PLCB4: variants seen among roughly 807,000 people sequenced by gnomAD.
PLCB4 encodes the protein 1-phosphatidylinositol 4,5-bisphosphate phosphodiesterase beta-4.
PLCB4 carries 77 observed loss-of-function variants against 178.8 expected under a neutral mutation model. That is an observed-to-expected ratio of 0.43 (90% confidence interval 0.36 to 0.52). PLCB4 has a LOEUF of 0.52. Ranked by LOEUF, PLCB4 falls within the 20% of genes least tolerant of loss-of-function variation. The pLI is 0.00. For synonymous variants in PLCB4, 496 were observed against 490.8 expected (o/e 1.01, Z -0.14); for missense variants, 1,024 against 1,453.4 (o/e 0.70, Z 4.80).
rs77353055 is a variant in PLCB4, at chr20:9,406,208, A to G, written c.1647+860A>G. 8.4e-4 allele frequency among the ~76,000 whole-genome samples: 128 copies of G among 152,226 alleles called. 1 individual carries two copies. In the East Asian group the frequency reaches 0.023, roughly 27 times the overall value. On this transcript the variant is annotated intron_variant, in intron 21 of 39. Transcript: ENST00000378473. ...GTCAGTGGGTAGGACTCTAATCCTC[A>G]CTACACATCACAGACAGTAATGAGA...
chr20:9,274,497 G>C (rs1366710318), intron 3 of PLCB4, among the ~76,000 whole-genome samples: 4 of 152,044 alleles, frequency 2.6e-5, no homozygotes, highest in Admixed American at 6.6e-5. Context: ...CAAATTATCA[G>C]ATTCTGACCC....
chr20:9,456,709 C>T (rs1389436952), intron 33 of PLCB4, among the ~76,000 whole-genome samples: 4 of 152,128 alleles, frequency 2.6e-5, no homozygotes, highest in African/African-American at 4.8e-5. Context: ...AGATTTGATG[C>T]GAGACCTTGC....
chr20:9,109,469 C>CT (rs762077633), intron 2 of PLCB4, among the ~76,000 whole-genome samples: 116 of 143,988 alleles, frequency 8.1e-4, no homozygotes, highest in African/African-American at 1.5e-3. Context: ...AAAATGATTG[C>CT]TTTTTTTTTT....
chr20:9,408,295 C>T (rs575688026), intron 22 of PLCB4, among the ~76,000 whole-genome samples: 1 of 152,280 alleles, frequency 6.6e-6, no homozygotes, highest in South Asian at 2.1e-4. Flanking sequence ...TAGTGCTGGG[C>T]ATGTAGCTTC....
intron 1 of PLCB4, among the ~76,000 whole-genome samples, chr20:9,072,027 A>C (rs1346336259): frequency 6.6e-6 from 1 of 152,244 alleles, no homozygotes; most frequent in Non-Finnish European, 1.5e-5. Context: ...TTGGTATTTT[A>C]TGTCCAGATT....
At chr20:9,419,088 G>T (rs1472556660) in intron 25 of PLCB4, among the ~76,000 whole-genome samples, 1 of 151,432 alleles carries the variant, frequency 6.6e-6, no homozygotes, top group Non-Finnish European at 1.5e-5. Flanking sequence ...TTTATTTATG[G>T]GATCATGTCA....
At chr20:9,413,738 G>A (rs905771086) in intron 25 of PLCB4, among the ~76,000 whole-genome samples, 6 of 150,764 alleles carry the variant, frequency 4.0e-5, no homozygotes, top group African/African-American at 1.2e-4. Context: ...TTATTAGCAC[G>A]TGCAGTGTCT....
chr20:9,113,881 G>A (rs1477265743), intron 2 of PLCB4, among the ~76,000 whole-genome samples: 2 of 152,018 alleles, frequency 1.3e-5, no homozygotes, highest in East Asian at 1.9e-4. Flanking sequence ...GGGTAGAAAG[G>A]GAGTGCCTAA....
At chr20:9,122,470 C>T (rs1208913806) in intron 2 of PLCB4, among the ~76,000 whole-genome samples, 1 of 152,066 alleles carries the variant, frequency 6.6e-6, no homozygotes, top group South Asian at 2.1e-4. Context: ...TCTTCTGTTA[C>T]TGGATACTTA....
At chr20:9,370,966 CTCCCAAGCACCAGGGGGACCCCTGG>C in intron 9 of PLCB4, 1 of 399,402 alleles carries the variant, frequency 2.5e-6, no homozygotes. Flanking sequence ...GCCCCTTGTT[CTCCCAAGCACCAGGGGGACCCCTGG>C]TCTTAGATTC....
At chr20:9,354,951 C>T (rs1044325836) in intron 7 of PLCB4, among the ~76,000 whole-genome samples, 8 of 152,284 alleles carry the variant, frequency 5.3e-5, no homozygotes, top group South Asian at 4.1e-4. Context: ...TATAGGTTCA[C>T]GTTAGAGTTA....
chr20:9,141,184 C>T (rs2092483074), intron 2 of PLCB4, among the ~76,000 whole-genome samples: 1 of 152,126 alleles, frequency 6.6e-6, no homozygotes, highest in Non-Finnish European at 1.5e-5. Flanking sequence ...TCAGAGATCT[C>T]AGTGATGGCT....
chr20:9,299,921 A>G (rs2094684243), intron 3 of PLCB4, among the ~76,000 whole-genome samples: 1 of 152,058 alleles, frequency 6.6e-6, no homozygotes, highest in African/African-American at 2.4e-5. Context: ...GCATATTATC[A>G]TATTTTTCTT....
chr20:9,441,296 G>A (rs2042087187), intron 30 of PLCB4, among the ~76,000 whole-genome samples: 1 of 152,166 alleles, frequency 6.6e-6, no homozygotes, highest in African/African-American at 2.4e-5. Flanking sequence ...CAAGAGAGAA[G>A]TCTATAGGTG....
intron 2 of PLCB4, among the ~76,000 whole-genome samples, chr20:9,203,777 G>GTTTTTTTTT (rs553691545): frequency 2.0e-5 from 2 of 101,682 alleles, no homozygotes; most frequent in African/African-American, 3.4e-5. Context: ...TGGGAATAGT[G>GTTTTTTTTT]TTTTTTTTTT....
intron 2 of PLCB4, among the ~76,000 whole-genome samples, chr20:9,106,539 G>GCACACA (rs374743256): frequency 2.8e-5 from 4 of 144,142 alleles, no homozygotes; most frequent in East Asian, 2.0e-4. Flanking sequence ...TGACACACAT[G>GCACACA]CACACACACA....
rs1354642031 is a variant in PLCB4, at chr20:9,355,823, G to A, written c.370-7073G>A. Among the ~76,000 whole-genome samples, 8 of 152,166 alleles carry A rather than the reference G, an allele frequency of 5.3e-5. No homozygotes were observed. In the East Asian group the frequency reaches 1.5e-3, roughly 29 times the overall value. On this transcript the variant is annotated intron_variant, in intron 7 of 39. Coordinates refer to ENST00000378473, the MANE Select transcript of PLCB4 (RefSeq NM_001377142.1). ...TTGGGTATATACCCAGTAATGGGATGGCTGGGTCAAATGGTATTTCTAGTT... is the reference window on the plus strand; with the variant it reads ...TTGGGTATATACCCAGTAATGGGATAGCTGGGTCAAATGGTATTTCTAGTT...
chr20:9,216,262 G>A lies in PLCB4; in HGVS notation c.-78-1128G>A, dbSNP rs192494104. On this transcript the variant is annotated intron_variant, in intron 2 of 39. Transcript: ENST00000378473. ...AGATGGAGTCTCTCTCTGTCACCCAGGCTGGAGTGCAGTGGTGCCATCTCG... is the reference window on the plus strand; with the variant it reads ...AGATGGAGTCTCTCTCTGTCACCCAAGCTGGAGTGCAGTGGTGCCATCTCG... 2.6e-5 allele frequency among the ~76,000 whole-genome samples: 4 copies of A among 152,156 alleles called. No individual in the cohort carries two copies. The East Asian group carries it at 7.8e-4, about 29-fold the overall frequency.
At chr20:9,427,563 C>G (rs531072997) in intron 28 of PLCB4, among the ~76,000 whole-genome samples, 1 of 152,306 alleles carries the variant, frequency 6.6e-6, no homozygotes, top group South Asian at 2.1e-4. Context: ...CAATGAGACT[C>G]CGAGTGCTGG....
Sources: allele counts gnomAD v4.1 joint callset (sites outside exome capture counted in the v4.1 genomes callset), GRCh38; gene constraint gnomAD v4.1.1; transcripts MANE v1.5; gene names NCBI Gene and HGNC (gene_info 2026-07-23, HGNC 2026-07-21).